The following GRID2 variants were observed in gnomAD, a reference collection of about 807,000 sequenced individuals.
GRID2 encodes the protein glutamate receptor ionotropic, delta-2.
In GRID2, 33 loss-of-function variants were observed where a neutral mutation model predicts 114.8. The observed-to-expected ratio is 0.29, with a 90% CI of 0.22 to 0.38. The LOEUF is 0.38. Among genes scored for constraint, GRID2 ranks in the 10% least tolerant of loss-of-function variants. The pLI is 1.00. For synonymous variants in GRID2, 505 were observed against 449.9 expected (o/e 1.12, Z -1.55); for missense variants, 1,184 against 1,257.7 (o/e 0.94, Z 0.89).
chr4:92,641,718 A>C (rs543595354), intron 2 of GRID2, among the ~76,000 whole-genome samples: 7 of 151,810 alleles, frequency 4.6e-5, no homozygotes, highest in Non-Finnish European at 8.8e-5. Context: ...CAGGTTTTTT[A>C]CATGGGTATA....
intron 4 of GRID2, among the ~76,000 whole-genome samples, chr4:93,111,685 A>G (rs1732775151): frequency 6.6e-6 from 1 of 151,602 alleles, no homozygotes; most frequent in Non-Finnish European, 1.5e-5. Flanking sequence ...TCATGACTTT[A>G]CAAACTTTCA....
intron 1 of GRID2, among the ~76,000 whole-genome samples, chr4:92,527,201 C>T (rs1266024289): frequency 6.6e-6 from 1 of 151,956 alleles, no homozygotes; most frequent in Non-Finnish European, 1.5e-5. Context: ...TTTAGTACAA[C>T]AAAAGAGAGA....
At chr4:92,920,431 T>G (rs1011387260) in intron 2 of GRID2, among the ~76,000 whole-genome samples, 16 of 152,228 alleles carry the variant, frequency 1.1e-4, no homozygotes, top group Admixed American at 3.3e-4. Context: ...TGATGCAGTT[T>G]CTTCCTAGCC....
At position 92,507,564 on chromosome 4, in the gene GRID2, G is replaced by C. The variant is rs184744355; in HGVS notation, c.89-82567G>C. Among the ~76,000 whole-genome samples the C allele has an allele frequency of 4.1e-3, 613 of 151,306 alleles. 8 individuals are homozygous for C. The highest frequency in any genetic ancestry group is 0.028 in the Middle Eastern group (8 of 290). On this transcript the variant is annotated intron_variant, in intron 1 of 15. Coordinates refer to ENST00000282020, the MANE Select transcript of GRID2 (RefSeq NM_001510.4). ...TTTCTGAGTCCAGTTTTTTTTAATT[G>C]AATAAAAATTTAAAAAATAAAAAAT...
At chr4:92,851,568 G>A (rs1480423350) in intron 2 of GRID2, among the ~76,000 whole-genome samples, 1 of 151,892 alleles carries the variant, frequency 6.6e-6, no homozygotes. Context: ...ATGTAATTAA[G>A]AGATAATTAT....
In GRID2 at chr4:92,913,361, G is replaced by C. The variant is rs1350452885; in HGVS notation, c.245-171634G>C. On this transcript the variant is annotated intron_variant, in intron 2 of 15. Coordinates refer to ENST00000282020, the MANE Select transcript of GRID2 (RefSeq NM_001510.4). ...AAACTTGTGTTTTATTGCTATTCTGGGCACTAACTATTATTATTATTGTTA... is the reference window on the plus strand; with the variant it reads ...AAACTTGTGTTTTATTGCTATTCTGCGCACTAACTATTATTATTATTGTTA... Among the ~76,000 whole-genome samples the C allele has an allele frequency of 4.0e-5, 6 of 151,768 alleles. No homozygotes were observed. The East Asian group carries it at 7.7e-4, about 20-fold the overall frequency.
At chr4:93,285,400 C>A (rs1753050190) in intron 8 of GRID2, among the ~76,000 whole-genome samples, 1 of 151,846 alleles carries the variant, frequency 6.6e-6, no homozygotes. Context: ...TCTATATAAA[C>A]CTTTATCATG....
chr4:92,894,163 A>T (rs1746990263), intron 2 of GRID2, among the ~76,000 whole-genome samples: 1 of 152,222 alleles, frequency 6.6e-6, no homozygotes, highest in Non-Finnish European at 1.5e-5. Context: ...TGGTAGAGAA[A>T]TATGGACCAA....
chr4:92,327,000 C>T (rs1726632170), intron 1 of GRID2, among the ~76,000 whole-genome samples: 1 of 151,948 alleles, frequency 6.6e-6, no homozygotes, highest in South Asian at 2.1e-4. Flanking sequence ...ATCCAGGTTA[C>T]TCCACACATT....
At chr4:93,029,225 A>G (rs535580505) in intron 2 of GRID2, among the ~76,000 whole-genome samples, 2 of 152,220 alleles carry the variant, frequency 1.3e-5, no homozygotes, top group South Asian at 4.2e-4. Flanking sequence ...ATTTTTCTTT[A>G]AACTTTAGTA....
intron 1 of GRID2, among the ~76,000 whole-genome samples, chr4:92,452,318 GA>G (rs1368076828): frequency 3.3e-5 from 5 of 150,932 alleles, no homozygotes; most frequent in Non-Finnish European, 5.9e-5. Flanking sequence ...AATCTGTTTA[GA>G]TTTTTTTTTT....
intron 1 of GRID2, among the ~76,000 whole-genome samples, chr4:92,449,147 G>A (rs1176672706): frequency 6.6e-6 from 1 of 151,938 alleles, no homozygotes; most frequent in Non-Finnish European, 1.5e-5. Flanking sequence ...CCTACATATA[G>A]GACTGCTTTA....
intron 1 of GRID2, among the ~76,000 whole-genome samples, chr4:92,411,431 G>C (rs1470896481): frequency 1.3e-5 from 2 of 151,722 alleles, no homozygotes; most frequent in African/African-American, 2.4e-5. Context: ...AAAATACAAG[G>C]CTTCACTGTA....
chr4:93,536,446 C>G (rs1347682310), intron 13 of GRID2, among the ~76,000 whole-genome samples: 1 of 151,842 alleles, frequency 6.6e-6, no homozygotes. Flanking sequence ...CAAGAATACA[C>G]AATGGAGAAG....
intron 1 of GRID2, among the ~76,000 whole-genome samples, chr4:92,389,145 C>T (rs970114223): frequency 6.6e-6 from 1 of 151,420 alleles, no homozygotes; most frequent in Non-Finnish European, 1.5e-5. Context: ...ATAGCCAAGC[C>T]TTTAATAAGA....
chr4:93,728,545 A>G (rs911853953), intron 14 of GRID2, among the ~76,000 whole-genome samples: 2 of 152,034 alleles, frequency 1.3e-5, no homozygotes, highest in African/African-American at 2.4e-5. Context: ...TATCCTTGTT[A>G]ACTTTCTGTC....
chr4:93,211,445 C>T (rs952524414), intron 5 of GRID2, among the ~76,000 whole-genome samples: 8 of 151,896 alleles, frequency 5.3e-5, no homozygotes, highest in Non-Finnish European at 1.0e-4. Flanking sequence ...TAAGTGGATG[C>T]TCCATAATTT....
At chr4:92,436,782 T>A (rs1732756307) in intron 1 of GRID2, among the ~76,000 whole-genome samples, 1 of 152,096 alleles carries the variant, frequency 6.6e-6, no homozygotes, top group Admixed American at 6.6e-5. Context: ...AGGAAAACAA[T>A]CTCCTAAATG....
chr4:93,677,560 C>A (rs1725023149), intron 14 of GRID2, among the ~76,000 whole-genome samples: 1 of 152,104 alleles, frequency 6.6e-6, no homozygotes, highest in African/African-American at 2.4e-5. Flanking sequence ...CCTCGCACGG[C>A]CGGGCACTCC....
Sources: gnomAD v4.1 joint callset for allele counts (sites outside exome capture counted in the v4.1 genomes callset) on GRCh38, gnomAD v4.1.1 for gene constraint, MANE v1.5 for transcripts, NCBI Gene and HGNC (gene_info 2026-07-23, HGNC 2026-07-21) for gene names.